The following RHEB variants were observed in gnomAD, a reference collection of about 807,000 sequenced individuals.
RHEB encodes Ras homolog, mTORC1 binding.
A neutral mutation model predicts 28.8 loss-of-function variants in RHEB; 2 were observed. The ratio of observed to expected loss-of-function variants is 0.07; its 90% CI spans 0.03 to 0.22. The LOEUF (loss-of-function observed/expected upper bound fraction) is 0.22, where lower values mean the gene tolerates loss of function less well. Ranked by LOEUF, RHEB falls within the 10% of genes least tolerant of loss-of-function variation. The probability of loss-of-function intolerance (pLI) is 1.00; values close to 1 mark genes in which losing one functional copy is unlikely to be tolerated. For missense variants in RHEB, 76 were observed against 219.9 expected (o/e 0.35, Z 4.14); for synonymous variants, 69 against 77.3 (o/e 0.89, Z 0.56).
In RHEB at chr7:151,484,779, A is replaced by G; in HGVS notation, c.150T>C (p.Asn50=). 2 of 1,612,832 alleles carry G rather than the reference A, an allele frequency of 1.2e-6. No homozygotes were observed. The highest frequency in any genetic ancestry group is 1.7e-6 in the Non-Finnish European group (2 of 1,178,946). ...ENTFTKLITV[N]GQEYHLQLVD... Reference sequence around the variant, plus strand: ...CAAGTTGAAGATGATATTCTTGTCCATTTACTGTGATCAACTTTGTAAAAG... The same window carrying G: ...CAAGTTGAAGATGATATTCTTGTCCGTTTACTGTGATCAACTTTGTAAAAG... The change falls in exon 3 of 8, where the codon AAT becomes AAC. Residue 50 remains asparagine (N), a synonymous_variant. Transcript: ENST00000262187.
chr7:151,482,365 C>T (rs1472381386), intron 3 of RHEB, among the ~76,000 whole-genome samples: 2 of 152,194 alleles, frequency 1.3e-5, no homozygotes, highest in African/African-American at 4.8e-5. Context: ...CCACCTCCCA[C>T]AGTGTTGGGA....
intron 1 of RHEB, among the ~76,000 whole-genome samples, chr7:151,499,648 A>G (rs540072315): frequency 6.6e-6 from 1 of 152,344 alleles, no homozygotes; most frequent in African/African-American, 2.4e-5. Flanking sequence ...ATTATGATCA[A>G]CACCTTGAAT....
chr7:151,509,379 G>T (rs1185783739), intron 1 of RHEB, among the ~76,000 whole-genome samples: 1 of 152,226 alleles, frequency 6.6e-6, no homozygotes, highest in Non-Finnish European at 1.5e-5. Flanking sequence ...TGTGGATCTG[G>T]CAGGTGCATA....
At chr7:151,500,484 T>C (rs1410107188) in intron 1 of RHEB, among the ~76,000 whole-genome samples, 4 of 152,162 alleles carry the variant, frequency 2.6e-5, no homozygotes, top group Admixed American at 6.5e-5. Flanking sequence ...GTATCATCAA[T>C]TGATTTTCAA....
chr7:151,484,463 G>A (rs902460669), intron 3 of RHEB, among the ~76,000 whole-genome samples: 7 of 152,156 alleles, frequency 4.6e-5, no homozygotes, highest in African/African-American at 1.4e-4. Flanking sequence ...ATCTGTGTAA[G>A]CTCCTTGACT....
intron 1 of RHEB, chr7:151,502,277 A>C (rs755646121): frequency 6.0e-6 from 4 of 664,726 alleles, no homozygotes; most frequent in African/African-American, 5.5e-5. Context: ...CAGCAATGGC[A>C]CTAGCATGAT....
chr7:151,519,305 C>T lies in RHEB; in HGVS notation c.52+155G>A, dbSNP rs1803138997. 6 of 415,296 alleles carry T rather than the reference C, an allele frequency of 1.4e-5. 1 individual carries two copies. Among genetic ancestry groups the T allele is most frequent in the Middle Eastern group, 1.6e-3 (2 of 1,234 alleles). The allele number at this position is 415,296 out of a possible 1,614,324, so 25.7% of individuals were successfully genotyped here. A position where few individuals can be genotyped will look rare whatever the true frequency, so the allele number is the denominator to read the frequency against. ...GCGCGGACGCCGCCCCGACCGCCAC[C>T]ACCTCCGCTCAGAATGGTGGTTACG... is the stretch of plus-strand genomic sequence containing the variant. On this transcript the variant is annotated intron_variant, in intron 1 of 7. Transcript: ENST00000262187.
At chr7:151,491,655 T>A (rs1802584064) in intron 1 of RHEB, among the ~76,000 whole-genome samples, 2 of 151,842 alleles carry the variant, frequency 1.3e-5, no homozygotes, top group Non-Finnish European at 2.9e-5. Context: ...TAGAATTGCT[T>A]GCCCCCAGGA....
chr7:151,467,007 A>G lies in RHEB; in HGVS notation c.*112T>C. On this transcript the variant is annotated 3_prime_UTR_variant, in exon 8 of 8. Coordinates refer to ENST00000262187, the MANE Select transcript of RHEB (RefSeq NM_005614.4). Reference sequence around the variant, plus strand: ...GGAGGGGAGCTCTGACCCAAATGATATCTTTCAGGTTAACAGAAGAAAAAA... The same window carrying G: ...GGAGGGGAGCTCTGACCCAAATGATGTCTTTCAGGTTAACAGAAGAAAAAA... The G allele has an allele frequency of 2.7e-6, 2 of 737,878 alleles. No individual in the cohort carries two copies. Among genetic ancestry groups the G allele is most frequent in the Admixed American group, 2.2e-5 (1 of 44,560 alleles). 45.7% of individuals were successfully genotyped at this position (737,878 alleles called of 1,614,324 possible).
chr7:151,470,480 A>C (rs932018910), intron 7 of RHEB, 91 bp downstream of exon 7: 2 of 817,452 alleles, frequency 2.4e-6, no homozygotes, highest in African/African-American at 3.4e-5. Flanking sequence ...CACAGGAGTG[A>C]TCAAGACAGA....
chr7:151,478,313 G>A (rs1802307645), intron 3 of RHEB, among the ~76,000 whole-genome samples: 1 of 149,840 alleles, frequency 6.7e-6, no homozygotes, highest in Non-Finnish European at 1.5e-5. Flanking sequence ...TATTATTTTT[G>A]TAAACTTATA....
intron 3 of RHEB, among the ~76,000 whole-genome samples, chr7:151,478,790 AC>A (rs1802321269): frequency 6.6e-6 from 1 of 152,044 alleles, no homozygotes; most frequent in Non-Finnish European, 1.5e-5. Context: ...CTACACCACC[AC>A]ACCTGGTTCA....
At chr7:151,501,668 A>G (rs1802773423) in intron 1 of RHEB, among the ~76,000 whole-genome samples, 1 of 152,256 alleles carries the variant, frequency 6.6e-6, no homozygotes, top group Non-Finnish European at 1.5e-5. Context: ...GGTTTTACTC[A>G]TAATTGCCCC....
intron 1 of RHEB, among the ~76,000 whole-genome samples, chr7:151,517,040 T>C (rs1326810601): frequency 6.6e-6 from 1 of 152,144 alleles, no homozygotes; most frequent in Non-Finnish European, 1.5e-5. Flanking sequence ...CCCCACATAC[T>C]ACAAAATATC....
At chr7:151,493,308 C>T (rs1249671965) in intron 1 of RHEB, among the ~76,000 whole-genome samples, 1 of 152,082 alleles carries the variant, frequency 6.6e-6, no homozygotes, top group African/African-American at 2.4e-5. Flanking sequence ...CTCTAGCAAC[C>T]CCCACTGCCC....
intron 1 of RHEB, among the ~76,000 whole-genome samples, chr7:151,497,388 T>C (rs1278600081): frequency 1.3e-5 from 2 of 152,188 alleles, no homozygotes; most frequent in Non-Finnish European, 2.9e-5. Flanking sequence ...ACAAGCCCCC[T>C]AGGTGATTCA....
chr7:151,515,311 A>ACTCT (rs1449128003), intron 1 of RHEB, among the ~76,000 whole-genome samples: 2 of 152,238 alleles, frequency 1.3e-5, no homozygotes, highest in Non-Finnish European at 2.9e-5. Flanking sequence ...AGAAACAGAA[A>ACTCT]GATTAGTGGT....
At chr7:151,505,363 A>T (rs1802852096) in intron 1 of RHEB, among the ~76,000 whole-genome samples, 1 of 152,238 alleles carries the variant, frequency 6.6e-6, no homozygotes, top group Non-Finnish European at 1.5e-5. Context: ...ACTTGAACAG[A>T]CACTTCACAA....
intron 3 of RHEB, among the ~76,000 whole-genome samples, chr7:151,481,503 C>T (rs1004511889): frequency 6.6e-5 from 10 of 152,150 alleles, no homozygotes; most frequent in African/African-American, 2.4e-4. Flanking sequence ...AGAACCAGCC[C>T]CCGTATGCAT....
Sources: allele counts gnomAD v4.1 joint callset (sites outside exome capture counted in the v4.1 genomes callset), GRCh38; gene constraint gnomAD v4.1.1; transcripts MANE v1.5; gene names NCBI Gene and HGNC (gene_info 2026-07-23, HGNC 2026-07-21).